GPC5: variants seen among roughly 807,000 people sequenced by gnomAD.
GPC5 encodes glypican-5.
In GPC5, 47 loss-of-function variants were observed where a neutral mutation model predicts 53.9. The ratio of observed to expected loss-of-function variants is 0.87; its 90% CI spans 0.69 to 1.11. GPC5 has a LOEUF of 1.11. Ranked by LOEUF, GPC5 falls within the 50% of genes most tolerant of loss-of-function variation. The probability of loss-of-function intolerance (pLI) is 0.00; values close to 1 mark genes in which losing one functional copy is unlikely to be tolerated. For missense variants in GPC5, 748 were observed against 713.1 expected (o/e 1.05, Z -0.56); for synonymous variants, 286 against 263.3 (o/e 1.09, Z -0.84).
intron 7 of GPC5, among the ~76,000 whole-genome samples, chr13:92,858,347 G>A (rs576523497): frequency 6.6e-6 from 1 of 152,054 alleles, no homozygotes; most frequent in African/African-American, 2.4e-5. Context: ...TTTGTCTTCC[G>A]CCATGATGGT....
intron 4 of GPC5, among the ~76,000 whole-genome samples, chr13:91,744,937 A>T (rs2037015393): frequency 6.6e-6 from 1 of 152,138 alleles, no homozygotes; most frequent in Non-Finnish European, 1.5e-5. Context: ...TGAACAATTA[A>T]TTGCATATTT....
At chr13:91,759,266 G>A (rs549138662) in intron 5 of GPC5, among the ~76,000 whole-genome samples, 1 of 151,812 alleles carries the variant, frequency 6.6e-6, no homozygotes, top group South Asian at 2.1e-4. Flanking sequence ...CATAGCAGGT[G>A]TATATGGGGT....
chr13:92,315,289 T>A (rs1217483669), intron 7 of GPC5, among the ~76,000 whole-genome samples: 4 of 152,096 alleles, frequency 2.6e-5, no homozygotes, highest in Non-Finnish European at 5.9e-5. Context: ...CTGGGGAGGT[T>A]TTCTGGGAGA....
At chr13:92,767,948 T>C (rs1303042724) in intron 7 of GPC5, among the ~76,000 whole-genome samples, 2 of 152,186 alleles carry the variant, frequency 1.3e-5, no homozygotes, top group African/African-American at 4.8e-5. Context: ...GTATATCGTT[T>C]TGCCCAAAAT....
At chr13:92,583,324 C>G (rs1426984583) in intron 7 of GPC5, among the ~76,000 whole-genome samples, 1 of 152,172 alleles carries the variant, frequency 6.6e-6, no homozygotes, top group Non-Finnish European at 1.5e-5. Context: ...AACTGCATCC[C>G]AGGGATAAAT....
At chr13:92,708,028 A>G (rs1185424470) in intron 7 of GPC5, among the ~76,000 whole-genome samples, 1 of 152,148 alleles carries the variant, frequency 6.6e-6, no homozygotes. Context: ...TAAGGAATAG[A>G]GCATTTCCAA....
chr13:91,514,483 A>G (rs1237624499), intron 2 of GPC5, among the ~76,000 whole-genome samples: 1 of 152,142 alleles, frequency 6.6e-6, no homozygotes, highest in African/African-American at 2.4e-5. Flanking sequence ...CTATTTTATA[A>G]TTAGATTTTT....
intron 7 of GPC5, among the ~76,000 whole-genome samples, chr13:92,662,568 C>T (rs1886386345): frequency 6.6e-6 from 1 of 152,170 alleles, no homozygotes; most frequent in Non-Finnish European, 1.5e-5. Context: ...TCCCGCCAGC[C>T]AGCCACTCAA....
chr13:92,845,051 G>C (rs1878566119), intron 7 of GPC5, among the ~76,000 whole-genome samples: 1 of 151,850 alleles, frequency 6.6e-6, no homozygotes, highest in Non-Finnish European at 1.5e-5. Context: ...GAGGAAAACT[G>C]TTGAAATAAT....
chr13:91,450,447 A>T (rs1265123766), intron 2 of GPC5, among the ~76,000 whole-genome samples: 1 of 151,796 alleles, frequency 6.6e-6, no homozygotes, highest in Non-Finnish European at 1.5e-5. Flanking sequence ...CATATGCTTA[A>T]AAAGGTGGAC....
At chr13:92,851,964 G>C (rs1449903009) in intron 7 of GPC5, among the ~76,000 whole-genome samples, 1 of 151,362 alleles carries the variant, frequency 6.6e-6, no homozygotes, top group Non-Finnish European at 1.5e-5. Flanking sequence ...CAGGAGGAAA[G>C]TTAGGCTCTG....
intron 5 of GPC5, among the ~76,000 whole-genome samples, chr13:91,809,794 A>G (rs1164784030): frequency 6.6e-6 from 1 of 152,054 alleles, no homozygotes; most frequent in Non-Finnish European, 1.5e-5. Context: ...TTAAATATAT[A>G]TGTGAAAAAT....
intron 7 of GPC5, among the ~76,000 whole-genome samples, chr13:92,852,108 T>C (rs749815841): frequency 5.9e-5 from 9 of 152,130 alleles, no homozygotes; most frequent in Non-Finnish European, 8.8e-5. Flanking sequence ...TCAACCTGTA[T>C]GCAGAGTGAA....
intron 7 of GPC5, among the ~76,000 whole-genome samples, chr13:92,847,877 T>C (rs1487673633): frequency 6.6e-6 from 1 of 152,244 alleles, no homozygotes; most frequent in Non-Finnish European, 1.5e-5. Context: ...TAAGCACTTA[T>C]AAGCAGGTGA....
chr13:91,929,891 G>A (rs13379011), intron 6 of GPC5, among the ~76,000 whole-genome samples: 4,713 of 151,766 alleles, frequency 0.031, 247 homozygotes, highest in African/African-American at 0.11. Flanking sequence ...AATTTTTCAC[G>A]GTTTTCCAAA....
At chr13:92,064,764 A>AAAAAAAACAAAAC (rs1555308147) in intron 6 of GPC5, among the ~76,000 whole-genome samples, 1 of 138,366 alleles carries the variant, frequency 7.2e-6, no homozygotes, top group African/African-American at 2.6e-5. Flanking sequence ...CTCAAAAAAA[A>AAAAAAAACAAAAC]AAAACAAAAC....
At chr13:91,945,947 G>A (rs796403130) in intron 6 of GPC5, among the ~76,000 whole-genome samples, 12 of 152,162 alleles carry the variant, frequency 7.9e-5, no homozygotes, top group African/African-American at 2.9e-4. Context: ...ATTTTTTAGA[G>A]TATTCTTTCT....
intron 7 of GPC5, among the ~76,000 whole-genome samples, chr13:92,370,296 C>A (rs1156656651): frequency 6.6e-6 from 1 of 152,110 alleles, no homozygotes; most frequent in Non-Finnish European, 1.5e-5. Flanking sequence ...ACCTTCTGAG[C>A]CTTGACAGAA....
At chr13:92,236,230 GTAA>G (rs971481613) in intron 7 of GPC5, among the ~76,000 whole-genome samples, 4 of 151,836 alleles carry the variant, frequency 2.6e-5, no homozygotes, top group Non-Finnish European at 5.9e-5. Flanking sequence ...TATAATTTGG[GTAA>G]TATTACTTAG....
Sources: allele counts gnomAD v4.1 joint callset (sites outside exome capture counted in the v4.1 genomes callset), GRCh38; gene constraint gnomAD v4.1.1; transcripts MANE v1.5; gene names NCBI Gene and HGNC (gene_info 2026-07-23, HGNC 2026-07-21).